The following RP1L1 variants were observed in gnomAD, a reference collection of about 807,000 sequenced individuals.
The protein encoded by RP1L1 is RP1 like 1, also known as retinitis pigmentosa 1-like 1 protein.
A neutral mutation model predicts 15.7 loss-of-function variants in RP1L1; 27 were observed. The ratio of observed to expected loss-of-function variants is 1.72; its 90% CI spans 1.27 to 2.38. The LOEUF is 2.38. Ranked by LOEUF, RP1L1 falls within the 30% of genes most tolerant of loss-of-function variation. RP1L1 has a pLI of 0.00. For synonymous variants in RP1L1, 1,813 were observed against 1,276.7 expected (o/e 1.42, Z -8.96); for missense variants, 4,798 against 3,075.9 (o/e 1.56, Z -13.24).
At chr8:10,632,300 G>C (rs1798264885) in intron 1 of RP1L1, among the ~76,000 whole-genome samples, 1 of 152,208 alleles carries the variant, frequency 6.6e-6, no homozygotes, top group Non-Finnish European at 1.5e-5. Context: ...GCACCATCTA[G>C]AACGTTCTAG....
rs764450452 is a variant in RP1L1, at chr8:10,607,408, G to C, written c.6690C>G (p.Thr2230=). ...EAQPEPEGVE[T]PEAEGEAQPE... is the part of the protein sequence containing the mutation. ...GCTGGGCCTCCCCTTCAGCCTCCGGGGTCTCTACGCCTTCTGGCTCTGGCT... is the reference window on the plus strand; with the variant it reads ...GCTGGGCCTCCCCTTCAGCCTCCGGCGTCTCTACGCCTTCTGGCTCTGGCT... Residue 2230 remains threonine, a synonymous_variant, in exon 4 of 4, where the codon ACC becomes ACG. Coordinates refer to ENST00000382483, the MANE Select transcript of RP1L1 (RefSeq NM_178857.6). 72 of 1,593,052 alleles carry C rather than the reference G, an allele frequency of 4.5e-5. No individual in the cohort carries two copies. Among genetic ancestry groups the C allele is most frequent in the Non-Finnish European group, 6.0e-5 (70 of 1,167,410 alleles).
At chr8:10,627,900 C>T (rs1343063020) in intron 1 of RP1L1, among the ~76,000 whole-genome samples, 16 of 152,194 alleles carry the variant, frequency 1.1e-4, no homozygotes, top group Admixed American at 9.8e-4. Context: ...TTCTGATGAA[C>T]AGGCACAAAG....
intron 1 of RP1L1, among the ~76,000 whole-genome samples, chr8:10,646,442 A>C (rs1798479265): frequency 6.6e-6 from 1 of 152,094 alleles, no homozygotes. Context: ...CCTAAATGCT[A>C]ATGGGTCTTT....
rs2117201506 is a variant in RP1L1 at position 10,611,156 on chromosome 8, C to G, written c.2942G>C (p.Gly981Ala). 4 of 1,612,976 alleles carry G rather than the reference C, an allele frequency of 2.5e-6. No homozygotes were observed. The highest frequency in any genetic ancestry group is 3.4e-6 in the Non-Finnish European group (4 of 1,180,034). Reference protein sequence around the residue: ...MTYELADETTGAAGGGLRGPE... With the variant: ...MTYELADETTAAAGGGLRGPE... ...GCCTCTCAGGCCACCCCCAGCTGCA[C>G]CTGTGGTCTCGTCCGCCAACTCATA... The change falls in exon 4 of 4, where the codon GGT becomes GCT. Residue 981 changes from glycine to alanine, a missense_variant. Coordinates refer to ENST00000382483, the MANE Select transcript of RP1L1 (RefSeq NM_178857.6).
rs1797862798 is a variant in RP1L1 at position 10,611,808 on chromosome 8, C to A, written c.2290G>T (p.Gly764Trp). The A allele has an allele frequency of 6.2e-7, 1 of 1,613,568 alleles. No homozygotes were observed. The highest frequency in any genetic ancestry group is 8.5e-7 in the Non-Finnish European group (1 of 1,180,042). ...GAGCATGTCCTGGACCCCGCGTCCCCTGCCCACCCGGCAGAGGGAGCGTTG... is the reference window on the plus strand; with the variant it reads ...GAGCATGTCCTGGACCCCGCGTCCCATGCCCACCCGGCAGAGGGAGCGTTG... ...PHNAPSAGWA[G>W]DAGSRTCSPA... The change falls in exon 4 of 4, where the codon GGG becomes TGG. Residue 764 changes from glycine to tryptophan, a missense_variant. Gly to Trp is a radical substitution (Grantham distance 184). Transcript: ENST00000382483.
rs766185991 is a variant in RP1L1, at chr8:10,610,642, G to C, written c.3456C>G (p.Ser1152Arg). The change falls in exon 4 of 4, where the codon AGC becomes AGG. Residue 1152 changes from serine to arginine, a missense_variant. Physicochemically the swap from Ser to Arg is moderately radical, Grantham distance 110. Coordinates refer to ENST00000382483, the MANE Select transcript of RP1L1 (RefSeq NM_178857.6). ...ATCCTGGCCACAGGTCCTTCGAGAT[G>C]CTGAGCAGCTCCTGGTACCGAGGGG... ...KDSPRYQELL[S>R]ISKDLWPGCD... is the part of the protein sequence containing the mutation. 6.2e-7 allele frequency: 1 copy of C among 1,612,330 alleles called. No homozygotes were observed. Among genetic ancestry groups the C allele is most frequent in the Non-Finnish European group, 8.5e-7 (1 of 1,179,320 alleles).
intron 1 of RP1L1, among the ~76,000 whole-genome samples, chr8:10,635,984 G>C (rs1459241528): frequency 6.6e-6 from 1 of 152,210 alleles, no homozygotes. Flanking sequence ...CAGGGAGCTG[G>C]GGTGGGGACG....
At chr8:10,651,922 G>T (rs2117272453) in intron 1 of RP1L1, among the ~76,000 whole-genome samples, 1 of 152,170 alleles carries the variant, frequency 6.6e-6, no homozygotes, top group East Asian at 1.9e-4. Context: ...GCATATACAG[G>T]TGTGCCATTT....
chr8:10,654,228 G>A (rs554255628), intron 1 of RP1L1, among the ~76,000 whole-genome samples: 1 of 152,292 alleles, frequency 6.6e-6, no homozygotes, highest in African/African-American at 2.4e-5. Flanking sequence ...TTACCATAAA[G>A]AGAGCAGACC....
chr8:10,635,856 G>T (rs962123400), intron 1 of RP1L1, among the ~76,000 whole-genome samples: 1 of 152,228 alleles, frequency 6.6e-6, no homozygotes, highest in Non-Finnish European at 1.5e-5. Flanking sequence ...TCAGCAGAAG[G>T]CCACCAGGTG....
At chr8:10,616,394 T>C (rs975061050) in intron 3 of RP1L1, 52 bp downstream of exon 3, 27 of 1,612,642 alleles carry the variant, frequency 1.7e-5, no homozygotes, top group African/African-American at 4.0e-5. Context: ...TCAGCCCTAC[T>C]GAACCACCAT....
intron 1 of RP1L1, among the ~76,000 whole-genome samples, chr8:10,624,391 C>G (rs1798124224): frequency 6.6e-6 from 1 of 152,212 alleles, no homozygotes; most frequent in African/African-American, 2.4e-5. Context: ...CACACTCACA[C>G]ATACACCACA....
At position 10,606,670 on chromosome 8, in the gene RP1L1, C is replaced by CAGG; in HGVS notation, c.*224_*225insCCT. On this transcript the variant is annotated 3_prime_UTR_variant, in exon 4 of 4. Transcript: ENST00000382483. ...ATAACCGGGCAGATCCGCAGACACC[C>CAGG]CCTTTCTTCACACTGCGTGTGGGAC... 1.5e-6 allele frequency: 1 copy of CAGG among 681,800 alleles called. No individual in the cohort carries two copies. Among genetic ancestry groups the CAGG allele is most frequent in the South Asian group, 2.0e-5 (1 of 49,996 alleles). The allele number at this position is 681,800 out of a possible 1,614,324, so 42.2% of individuals were successfully genotyped here. A position where few individuals can be genotyped will look rare whatever the true frequency, so the allele number is the denominator to read the frequency against.
intron 1 of RP1L1, among the ~76,000 whole-genome samples, chr8:10,630,886 C>T (rs906683154): frequency 3.3e-5 from 5 of 152,186 alleles, no homozygotes; most frequent in African/African-American, 7.2e-5. Context: ...GACTGGTCAT[C>T]GCAGCGGGAG....
chr8:10,646,580 C>G (rs773100340), intron 1 of RP1L1, among the ~76,000 whole-genome samples: 4 of 152,120 alleles, frequency 2.6e-5, no homozygotes, highest in Non-Finnish European at 5.9e-5. Context: ...GATAACACTT[C>G]CGCTTGGCCC....
At chr8:10,650,021 T>C (rs184140703) in intron 1 of RP1L1, among the ~76,000 whole-genome samples, 1 of 152,262 alleles carries the variant, frequency 6.6e-6, no homozygotes, top group Admixed American at 6.5e-5. Context: ...TCCCTGGTTG[T>C]AGGGCACGTG....
At chr8:10,613,935 A>G (rs1797923632) in intron 3 of RP1L1, among the ~76,000 whole-genome samples, 2 of 152,224 alleles carry the variant, frequency 1.3e-5, no homozygotes, top group African/African-American at 4.8e-5. Flanking sequence ...CTAGCTGCGT[A>G]GTTTTTGGCA....
chr8:10,623,505 C>T (rs77126814), intron 1 of RP1L1, among the ~76,000 whole-genome samples: 2 of 41,328 alleles, frequency 4.8e-5, no homozygotes, highest in Non-Finnish European at 1.2e-4. Context: ...GTCACCATGT[C>T]CCCAGAACCA....
rs1156774347 is a variant in RP1L1 at position 10,610,703 on chromosome 8, A to G, written c.3395T>C (p.Leu1132Pro). The G allele has an allele frequency of 1.2e-6, 2 of 1,613,628 alleles. No individual in the cohort carries two copies. Among genetic ancestry groups the G allele is most frequent in the Admixed American group, 1.7e-5 (1 of 60,030 alleles). ...CCTCACTTTGCTGGCAGGAGACCCAAGGTCTTCCTCAAATAACTGCAGACT... is the reference window on the plus strand; with the variant it reads ...CCTCACTTTGCTGGCAGGAGACCCAGGGTCTTCCTCAAATAACTGCAGACT... ...LASLQLFEED[L>P]GSPASKVRFK... The change falls in exon 4 of 4, where the codon CTT becomes CCT. Residue 1132 changes from leucine (L) to proline (P), a missense_variant. Transcript: ENST00000382483.
Sources: gnomAD v4.1 joint callset for allele counts (sites outside exome capture counted in the v4.1 genomes callset) on GRCh38, gnomAD v4.1.1 for gene constraint, MANE v1.5 for transcripts, NCBI Gene and HGNC (gene_info 2026-07-23, HGNC 2026-07-21) for gene names.